The following MYO1H variants were observed in gnomAD, a reference collection of about 807,000 sequenced individuals.
The protein encoded by MYO1H is myosin IH.
MYO1H carries 118 observed loss-of-function variants against 149.3 expected under a neutral mutation model. The observed-to-expected ratio is 0.79, with a 90% CI of 0.68 to 0.92. MYO1H has a LOEUF of 0.92. Among genes scored for constraint, MYO1H ranks in the 40% least tolerant of loss-of-function variants. The pLI, the probability that MYO1H is intolerant of heterozygous loss-of-function variation, is 0.00. For missense variants in MYO1H, 1,212 were observed against 1,280.7 expected, an observed-to-expected ratio of 0.95 and a Z score of 0.82; for synonymous variants, 447 against 465.2, an observed-to-expected ratio of 0.96 and a Z score of 0.50.
intron 10 of MYO1H, among the ~76,000 whole-genome samples, chr12:109,409,236 T>C (rs1279669120): frequency 9.3e-6 from 1 of 107,498 alleles, no homozygotes; most frequent in African/African-American, 4.5e-5. Context: ...TTCTTCTTCT[T>C]CTTCTTCTTC....
At chr12:109,384,173 A>C (rs188915128) in intron 1 of MYO1H, among the ~76,000 whole-genome samples, 172 of 152,304 alleles carry the variant, frequency 1.1e-3, no homozygotes, top group Middle Eastern at 0.01. Flanking sequence ...AGAGATGGCC[A>C]TTCATTCCTG....
At chr12:109,405,734 C>G (rs1026337220) in intron 7 of MYO1H, among the ~76,000 whole-genome samples, 188 bp from the exon 8 acceptor site, 3 of 152,146 alleles carry the variant, frequency 2.0e-5, no homozygotes, top group Non-Finnish European at 4.4e-5. Flanking sequence ...TCCCTTAGCA[C>G]CTGAAGTGAA....
At chr12:109,339,067 A>C in the MYO1H span, among the ~76,000 whole-genome samples, 414 of 152,208 alleles carry the variant, frequency 2.7e-3, no homozygotes, top group African/African-American at 9.1e-3. Flanking sequence ...CTTCTCATTA[A>C]AAAATTAACA....
Position 109,440,808 on chromosome 12 carries a change from C to CAGCTG in MYO1H, c.2523_2527dup (p.Arg843LeufsTer6), listed in dbSNP as rs1872089003. 6.4e-7 allele frequency: 1 copy of CAGCTG among 1,562,478 alleles called. No homozygotes were observed. The highest frequency in any genetic ancestry group is 2.4e-5 in the East Asian group (1 of 41,566). On this transcript the variant is annotated frameshift_variant, in exon 25 of 32. Transcript: ENST00000310903. LOFTEE classifies it high-confidence loss of function. The stretch of plus-strand genomic sequence containing the variant: ...GTGCAGAAGTACTGCCGCGGGATCA[C>CAGCTG]AGCTGAGCGGAAAGCAATGGTAGGG...
intron 16 of MYO1H, among the ~76,000 whole-genome samples, chr12:109,421,836 T>C (rs916335429): frequency 9.2e-5 from 14 of 152,292 alleles, no homozygotes; most frequent in African/African-American, 2.4e-4. Flanking sequence ...GCTGCTGCTG[T>C]TGTTTTTGAG....
chr12:109,388,628 T>C, intron 1 of MYO1H, 55 bp from the exon 2 acceptor site: 1 of 1,439,618 alleles, frequency 6.9e-7, no homozygotes, highest in Non-Finnish European at 9.3e-7. Context: ...GCATTAGACG[T>C]GTAATAGATA....
intron 1 of MYO1H, among the ~76,000 whole-genome samples, chr12:109,380,630 G>A (rs1335891069): frequency 2.0e-5 from 3 of 152,166 alleles, no homozygotes; most frequent in Admixed American, 6.5e-5. Context: ...ATTTTTGGAT[G>A]GGAGAAAAGA....
In MYO1H at chr12:109,434,361, G is replaced by A. The variant is rs2135592988; in HGVS notation, c.2064-676G>A. Among the ~76,000 whole-genome samples the A allele has an allele frequency of 1.3e-5, 2 of 152,258 alleles. 1 individual carries two copies. Among genetic ancestry groups the A allele is most frequent in the Non-Finnish European group, 2.9e-5 (2 of 68,014 alleles). On this transcript the variant is annotated intron_variant, in intron 20 of 31. Coordinates refer to ENST00000310903, the Ensembl canonical transcript of MYO1H. ...ATTATTTGTCTGGCTGGGCGTGGTGGCTGGTGCCTGTAATCCCAGCTACTC... is the reference window on the plus strand; with the variant it reads ...ATTATTTGTCTGGCTGGGCGTGGTGACTGGTGCCTGTAATCCCAGCTACTC...
exon 22 of MYO1H, chr12:109,436,517 T>C: frequency 6.2e-7 from 1 of 1,611,488 alleles, no homozygotes; most frequent in Non-Finnish European, 8.5e-7. Context: ...TTACAAACGC[T>C]GCCTAGGAAG....
At chr12:109,322,819 CAAAAAAA>C in the MYO1H span, among the ~76,000 whole-genome samples, 13 of 77,102 alleles carry the variant, frequency 1.7e-4, no homozygotes, top group South Asian at 4.8e-4. Flanking sequence ...GACTCCGTCT[CAAAAAAA>C]AAAAAAAAAA....
chr12:109,401,047 G>A, intron 5 of MYO1H, 46 bp from the exon 6 acceptor site: 1 of 1,561,016 alleles, frequency 6.4e-7, no homozygotes, highest in Non-Finnish European at 8.8e-7. Flanking sequence ...CAGGAAGAGA[G>A]TGGTTTGATT....
rs751742135 is a variant in MYO1H, at chr12:109,442,285, G to A, written c.2688+13G>A. ...TGAGAAAATCCAGGTAAGGCGATGT[G>A]TGTCCTCAGTCTCAAACAGGATTCC... On this transcript the variant is annotated intron_variant, in intron 27 of 31. Transcript: ENST00000310903. 95 of 1,612,026 alleles carry A rather than the reference G, an allele frequency of 5.9e-5. No homozygotes were observed. The highest frequency in any genetic ancestry group is 7.7e-5 in the Non-Finnish European group (91 of 1,178,252).
intron 1 of MYO1H, chr12:109,359,165 G>T (rs1457845018): frequency 6.6e-6 from 1 of 152,128 alleles, no homozygotes; most frequent in South Asian, 2.1e-4. Flanking sequence ...CTAAACCCAG[G>T]CATTTGAGCG....
At chr12:109,426,090 G>A (rs772006867) in intron 18 of MYO1H, 39 bp downstream of exon 18, 1 of 1,499,332 alleles carries the variant, frequency 6.7e-7, no homozygotes, top group East Asian at 2.3e-5. Flanking sequence ...TCAGGGAAAG[G>A]AGGCTGGGAG....
the MYO1H span, among the ~76,000 whole-genome samples, chr12:109,317,510 C>T: frequency 1.3e-5 from 2 of 152,182 alleles, no homozygotes; most frequent in Non-Finnish European, 2.9e-5. Flanking sequence ...GAAAAATACA[C>T]TTCCCCTGGC....
At chr12:109,442,872 G>C (rs1243713202) in intron 27 of MYO1H, among the ~76,000 whole-genome samples, 1 of 147,920 alleles carries the variant, frequency 6.8e-6, no homozygotes, top group African/African-American at 2.5e-5. Context: ...CTGTGGCTGT[G>C]AGAGTTTTCA....
chr12:109,400,974 A>G (rs1870134279), intron 5 of MYO1H, 119 bp from the exon 6 acceptor site: 1 of 890,448 alleles, frequency 1.1e-6, no homozygotes, highest in Non-Finnish European at 1.7e-6. Context: ...TCCAAAAAAA[A>G]GAAAGAAGAT....
the MYO1H span, among the ~76,000 whole-genome samples, chr12:109,320,239 A>G: frequency 2.6e-5 from 4 of 152,050 alleles, no homozygotes; most frequent in Non-Finnish European, 5.9e-5. Flanking sequence ...ACTTGAGCCC[A>G]GGAGTCTGAG....
chr12:109,384,734 G>A (rs994723429), intron 1 of MYO1H, among the ~76,000 whole-genome samples: 1 of 152,100 alleles, frequency 6.6e-6, no homozygotes, highest in African/African-American at 2.4e-5. Flanking sequence ...AAATTTCTTT[G>A]GGCTTCAAGT....
Sources: allele counts gnomAD v4.1 joint callset (sites outside exome capture counted in the v4.1 genomes callset), GRCh38; gene constraint gnomAD v4.1.1; transcripts MANE v1.5; gene names NCBI Gene and HGNC (gene_info 2026-07-23, HGNC 2026-07-21).